The following RBFOX2 variants were observed in gnomAD, a reference collection of about 807,000 sequenced individuals.
RBFOX2 encodes RNA binding fox-1 homolog 2.
A neutral mutation model predicts 49.1 loss-of-function variants in RBFOX2; 10 were observed. The observed-to-expected ratio is 0.20, with a 90% CI of 0.13 to 0.35. RBFOX2 has a LOEUF of 0.35. Among genes scored for constraint, RBFOX2 ranks in the 10% least tolerant of loss-of-function variants. The pLI is 1.00. For missense variants in RBFOX2, 323 were observed against 486.9 expected (o/e 0.66, Z 3.17); for synonymous variants, 183 against 187.4 (o/e 0.98, Z 0.19).
At chr22:36,009,951 C>T (rs1333434171) in intron 1 of RBFOX2, among the ~76,000 whole-genome samples, 1 of 152,178 alleles carries the variant, frequency 6.6e-6, no homozygotes, top group Non-Finnish European at 1.5e-5. Flanking sequence ...TTCACCTTTC[C>T]TATGCTGGTA....
intron 1 of RBFOX2, among the ~76,000 whole-genome samples, chr22:35,929,476 A>G (rs1299223028): frequency 6.6e-6 from 1 of 152,166 alleles, no homozygotes; most frequent in African/African-American, 2.4e-5. Flanking sequence ...AATAAACAAA[A>G]GGTGATACAT....
At chr22:35,780,906 TA>T (rs1320008646) in intron 3 of RBFOX2, among the ~76,000 whole-genome samples, 3 of 152,194 alleles carry the variant, frequency 2.0e-5, no homozygotes, top group Non-Finnish European at 4.4e-5. Flanking sequence ...ATTACAAAGC[TA>T]AGTAGAGAGT....
At chr22:35,909,297 C>T (rs1188406906) in intron 1 of RBFOX2, among the ~76,000 whole-genome samples, 1 of 151,974 alleles carries the variant, frequency 6.6e-6, no homozygotes, top group African/African-American at 2.4e-5. Flanking sequence ...GTCTCTTAAA[C>T]ATATATATAT....
chr22:35,817,981 CA>C (rs1665448552), intron 1 of RBFOX2, among the ~76,000 whole-genome samples: 4 of 151,938 alleles, frequency 2.6e-5, no homozygotes, highest in East Asian at 1.9e-4. Context: ...CACACACACA[CA>C]CACCCCTCTT....
At chr22:35,887,815 T>C (rs1428436188) in intron 1 of RBFOX2, among the ~76,000 whole-genome samples, 2 of 152,178 alleles carry the variant, frequency 1.3e-5, no homozygotes, top group South Asian at 2.1e-4. Flanking sequence ...CTAAAGCCAT[T>C]CACCTAGCAT....
intron 1 of RBFOX2, chr22:35,997,522 A>G (rs2058240910): frequency 6.6e-6 from 1 of 152,184 alleles, no homozygotes; most frequent in Non-Finnish European, 1.5e-5. Flanking sequence ...TAAATACTGT[A>G]TTTACATTCC....
chr22:35,739,921 G>C (rs991118147), exon 12 of RBFOX2: 1 of 152,620 alleles, frequency 6.6e-6, no homozygotes, highest in African/African-American at 2.4e-5. Flanking sequence ...CTGCCAACCA[G>C]CACTACCATG....
intron 1 of RBFOX2, among the ~76,000 whole-genome samples, chr22:36,012,606 T>C (rs2058864428): frequency 1.3e-5 from 2 of 151,996 alleles, no homozygotes; most frequent in African/African-American, 2.4e-5. Flanking sequence ...AAAATAATAA[T>C]AACATAAATG....
intron 1 of RBFOX2, among the ~76,000 whole-genome samples, chr22:35,977,940 G>C (rs1367571750): frequency 6.6e-6 from 1 of 151,636 alleles, no homozygotes; most frequent in Non-Finnish European, 1.5e-5. Flanking sequence ...AAAGATAAGA[G>C]TGGTTGGGGG....
At chr22:35,971,715 G>A (rs1204033290) in intron 1 of RBFOX2, among the ~76,000 whole-genome samples, 6 of 151,914 alleles carry the variant, frequency 3.9e-5, no homozygotes, top group Admixed American at 6.6e-5. Context: ...AACATGAGAC[G>A]GTTGCTCTTG....
intron 1 of RBFOX2, among the ~76,000 whole-genome samples, chr22:36,003,462 T>C (rs1364605890): frequency 6.6e-6 from 1 of 152,130 alleles, no homozygotes; most frequent in African/African-American, 2.4e-5. Context: ...GGGAAAAAAT[T>C]AGATGTAGGG....
chr22:35,806,160 A>C (rs575041788), intron 2 of RBFOX2, among the ~76,000 whole-genome samples: 1 of 152,196 alleles, frequency 6.6e-6, no homozygotes, highest in Non-Finnish European at 1.5e-5. Context: ...AGGTTCATCA[A>C]TGGTAACAGG....
At chr22:35,763,384 A>G (rs986343635) in intron 6 of RBFOX2, among the ~76,000 whole-genome samples, 4 of 152,084 alleles carry the variant, frequency 2.6e-5, no homozygotes, top group Non-Finnish European at 4.4e-5. Flanking sequence ...CAACATGGCA[A>G]AACCTCGTCT....
chr22:35,810,394 T>A (rs1291731763), intron 1 of RBFOX2, among the ~76,000 whole-genome samples: 2 of 151,244 alleles, frequency 1.3e-5, no homozygotes, highest in Non-Finnish European at 3.0e-5. Context: ...CCCTAAAAAA[T>A]ACGAAAAACA....
intron 2 of RBFOX2, among the ~76,000 whole-genome samples, chr22:35,785,131 G>A (rs1279696975): frequency 6.6e-6 from 1 of 152,078 alleles, no homozygotes; most frequent in Non-Finnish European, 1.5e-5. Context: ...CCGAATGGCT[G>A]GCACTACAGG....
intron 1 of RBFOX2, among the ~76,000 whole-genome samples, chr22:35,897,093 T>G (rs1329410724): frequency 6.6e-6 from 1 of 152,048 alleles, no homozygotes; most frequent in Admixed American, 6.6e-5. Flanking sequence ...CTTTGAAGAG[T>G]CTTTTATTAC....
At chr22:35,766,663 A>G (rs1476392255) in intron 5 of RBFOX2, among the ~76,000 whole-genome samples, 1 of 152,068 alleles carries the variant, frequency 6.6e-6, no homozygotes, top group Non-Finnish European at 1.5e-5. Context: ...CAGTTAAAAA[A>G]CACACACACA....
At chr22:35,863,488 G>A (rs889855109) in intron 1 of RBFOX2, among the ~76,000 whole-genome samples, 2 of 152,110 alleles carry the variant, frequency 1.3e-5, no homozygotes, top group African/African-American at 2.4e-5. Flanking sequence ...TGTCTTGAGC[G>A]TGTACCTGCC....
intron 1 of RBFOX2, among the ~76,000 whole-genome samples, chr22:35,852,081 T>C (rs780895077): frequency 8.5e-5 from 13 of 152,122 alleles, no homozygotes; most frequent in Non-Finnish European, 1.5e-4. Flanking sequence ...CCCAATACTG[T>C]ATAATAACAA....
Sources: allele counts gnomAD v4.1 joint callset (sites outside exome capture counted in the v4.1 genomes callset), GRCh38; gene constraint gnomAD v4.1.1; transcripts MANE v1.5; gene names NCBI Gene and HGNC (gene_info 2026-07-23, HGNC 2026-07-21).